Variants in AFMID observed in about 807,000 individuals in gnomAD.
AFMID encodes arylformamidase.
In AFMID, 39 loss-of-function variants were observed where a neutral mutation model predicts 47.5. That is an observed-to-expected ratio of 0.82 (90% CI 0.64 to 1.07). The LOEUF (loss-of-function observed/expected upper bound fraction) is 1.07. Ranked by LOEUF, AFMID falls within the 50% of genes least tolerant of loss-of-function variation. The probability of loss-of-function intolerance (pLI) is 0.00; values close to 1 mark genes in which losing one functional copy is unlikely to be tolerated. For synonymous variants in AFMID, 130 were observed against 153.2 expected (o/e 0.85, Z 1.12); for missense variants, 375 against 387.5 (o/e 0.97, Z 0.27).
chr17:78,205,858 C>T (rs1253974585), intron 9 of AFMID, 88 bp from the exon 10 acceptor site: 11 of 1,594,266 alleles, frequency 6.9e-6, no homozygotes, highest in Non-Finnish European at 8.6e-6. Flanking sequence ...ACTGAGTGAA[C>T]CCTGACCTGT....
In AFMID at chr17:78,200,286, C is replaced by T. The variant is rs180868916; in HGVS notation, c.155-2213C>T. On this transcript the variant is annotated intron_variant, in intron 2 of 10. Coordinates refer to ENST00000409257, the MANE Select transcript of AFMID (RefSeq NM_001010982.5). ...TGTCCTGCCTCAGCCTCCCAAGTAG[C>T]TGGGATTACAGGCACGCGCCACCAC... Among the ~76,000 whole-genome samples, 754 of 152,254 alleles carry T rather than the reference C, an allele frequency of 5.0e-3. 4 individuals carry two copies. Among genetic ancestry groups the T allele is most frequent in the Admixed American group, 9.0e-3 (138 of 15,284 alleles).
At chr17:78,194,311 G>A (rs2076053408) in intron 2 of AFMID, among the ~76,000 whole-genome samples, 1 of 152,048 alleles carries the variant, frequency 6.6e-6, no homozygotes, top group South Asian at 2.1e-4. Flanking sequence ...TTTTAGTAGA[G>A]GCGGGGTTTC....
chr17:78,202,947 C>T (rs1225599687), intron 4 of AFMID, 196 bp downstream of exon 4: 1 of 658,990 alleles, frequency 1.5e-6, no homozygotes, highest in Non-Finnish European at 2.6e-6. Context: ...CTGCCTTCTC[C>T]AGCTTCTGGT....
At chr17:78,189,751 C>T (rs988007781) in intron 1 of AFMID, among the ~76,000 whole-genome samples, 1 of 151,704 alleles carries the variant, frequency 6.6e-6, no homozygotes, top group African/African-American at 2.4e-5. Flanking sequence ...AACTCCTGGA[C>T]TCAAGTGATC....
intron 2 of AFMID, among the ~76,000 whole-genome samples, chr17:78,201,668 G>GTAC (rs2076245553): frequency 3.3e-5 from 5 of 152,120 alleles, no homozygotes; most frequent in Admixed American, 2.6e-4. Context: ...TAAGTGTGTA[G>GTAC]TAAAGTCGTG....
At chr17:78,199,283 C>G (rs1205731140) in intron 2 of AFMID, among the ~76,000 whole-genome samples, 1 of 152,158 alleles carries the variant, frequency 6.6e-6, no homozygotes, top group Admixed American at 6.5e-5. Context: ...TTCGTACAAG[C>G]TCTCAGCCCC....
intron 2 of AFMID, among the ~76,000 whole-genome samples, chr17:78,198,704 AAGG>A (rs1210188258): frequency 6.6e-6 from 1 of 151,842 alleles, no homozygotes; most frequent in Non-Finnish European, 1.5e-5. Context: ...AGCTGCTCAG[AAGG>A]AGGAGACAGG....
chr17:78,204,290 A>G (rs2145877203), intron 4 of AFMID, among the ~76,000 whole-genome samples: 1 of 152,180 alleles, frequency 6.6e-6, no homozygotes, highest in East Asian at 1.9e-4. Flanking sequence ...AAAAGAAAAG[A>G]TAAATTTGCT....
At chr17:78,188,386 G>T (rs8071253) in intron 1 of AFMID, among the ~76,000 whole-genome samples, 1 of 152,056 alleles carries the variant, frequency 6.6e-6, no homozygotes, top group African/African-American at 2.4e-5. Context: ...TATTTTACTC[G>T]CATGCTTTAT....
intron 2 of AFMID, among the ~76,000 whole-genome samples, chr17:78,200,146 T>TTTTGG (rs886588993): frequency 2.6e-5 from 4 of 151,984 alleles, no homozygotes; most frequent in Non-Finnish European, 4.4e-5. Flanking sequence ...GTGTGTTTTG[T>TTTTGG]TTTGGTTTGG....
intron 1 of AFMID, among the ~76,000 whole-genome samples, chr17:78,189,448 C>T (rs2075900466): frequency 6.6e-6 from 1 of 151,534 alleles, no homozygotes; most frequent in African/African-American, 2.4e-5. Context: ...GTCTCGAACT[C>T]CTGACCTCAG....
chr17:78,204,809 G>A lies in AFMID; in HGVS notation c.395-19G>A, dbSNP rs1286653787. 1.2e-6 allele frequency: 2 copies of A among 1,614,236 alleles called. No individual in the cohort carries two copies. The highest frequency in any genetic ancestry group is 3.3e-5 in the Admixed American group (2 of 60,020). On this transcript the variant is annotated intron_variant, in intron 5 of 10. Transcript: ENST00000409257. ...TAGGAGGAAGTGCATCCCTGACCCA[G>A]CTCATGCTCTCTGTGCAGGCACCCT... is the stretch of plus-strand genomic sequence containing the variant.
At chr17:78,201,160 A>G (rs1221584156) in intron 2 of AFMID, among the ~76,000 whole-genome samples, 1 of 151,404 alleles carries the variant, frequency 6.6e-6, no homozygotes, top group Non-Finnish European at 1.5e-5. Context: ...CCACGTCCAG[A>G]TAACTTTTTT....
At position 78,187,960 on chromosome 17, in the gene AFMID, C is replaced by CAAAAAAAAAAAAAAAAA. The variant is rs34018698; in HGVS notation, c.63+540_63+556dup. 9.4e-4 allele frequency among the ~76,000 whole-genome samples: 53 copies of CAAAAAAAAAAAAAAAAA among 56,674 alleles called. 2 individuals carry two copies. Among genetic ancestry groups the CAAAAAAAAAAAAAAAAA allele is most frequent in the African/African-American group, 2.6e-3 (34 of 12,936 alleles). 37.2% of individuals were successfully genotyped at this position (56,674 alleles called of 152,430 possible). On this transcript the variant is annotated intron_variant, in intron 1 of 10. Transcript: ENST00000409257. Reference sequence around the variant, plus strand: ...TGGGCGATAGACCAAGACTTAGTCTCAAAAAAAAAAAAAAAAAAAAAAAAA... The same window carrying CAAAAAAAAAAAAAAAAA: ...TGGGCGATAGACCAAGACTTAGTCTCAAAAAAAAAAAAAAAAAAAAAAAAAAAAAAAAAAAAAAAAAA...
intron 2 of AFMID, among the ~76,000 whole-genome samples, chr17:78,200,320 A>C (rs1334586831): frequency 6.6e-6 from 1 of 151,840 alleles, no homozygotes; most frequent in Admixed American, 6.6e-5. Context: ...ACGCCCAGAT[A>C]ATTTTTGTAT....
intron 2 of AFMID, among the ~76,000 whole-genome samples, chr17:78,191,900 A>G (rs1445820715): frequency 6.6e-6 from 1 of 151,934 alleles, no homozygotes; most frequent in Non-Finnish European, 1.5e-5. Flanking sequence ...GTTGGCCAGG[A>G]TGGTCTCCAT....
At chr17:78,190,769 C>T in intron 1 of AFMID, 1 of 542,648 alleles carries the variant, frequency 1.8e-6, no homozygotes, top group Non-Finnish European at 3.3e-6. Context: ...ACCTCATCTC[C>T]CCTTAAGGCT....
Position 78,204,827 on chromosome 17 carries a change from G to A in AFMID, c.395-1G>A. 6.2e-7 allele frequency: 1 copy of A among 1,614,220 alleles called. No homozygotes were observed. ...TGACCCAGCTCATGCTCTCTGTGCA[G>A]GCACCCTGGACCACATGGTAGACCA... is the stretch of plus-strand genomic sequence containing the variant. On this transcript the variant is annotated splice_acceptor_variant, in intron 5 of 10. Transcript: ENST00000409257. LOFTEE classifies it high-confidence loss of function.
intron 2 of AFMID, among the ~76,000 whole-genome samples, chr17:78,202,073 A>C (rs2076258576): frequency 6.6e-6 from 1 of 151,942 alleles, no homozygotes; most frequent in African/African-American, 2.4e-5. Flanking sequence ...CTGAAGCTCA[A>C]CACGCCAACT....
Sources: gnomAD v4.1 joint callset for allele counts (sites outside exome capture counted in the v4.1 genomes callset) on GRCh38, gnomAD v4.1.1 for gene constraint, MANE v1.5 for transcripts, NCBI Gene and HGNC (gene_info 2026-07-23, HGNC 2026-07-21) for gene names.